The following VCL variants were observed in gnomAD, a reference collection of about 807,000 sequenced individuals.
VCL encodes vinculin, also known as epididymis luminal protein 114.
In VCL, 47 loss-of-function variants were observed where a neutral mutation model predicts 125.7. The observed-to-expected ratio is 0.37, with a 90% CI of 0.30 to 0.48. The LOEUF is 0.48. Among genes scored for constraint, VCL ranks in the 20% least tolerant of loss-of-function variants. The pLI is 0.99. For synonymous variants in VCL, 458 were observed against 514.6 expected (o/e 0.89, Z 1.49); for missense variants, 1,069 against 1,455.5 (o/e 0.73, Z 4.32).
chr10:74,027,994 G>A (rs931108796), intron 1 of VCL: 1 of 152,216 alleles, frequency 6.6e-6, no homozygotes, highest in Admixed American at 6.5e-5. Context: ...ATCATCCAGT[G>A]ATGTTTTCCT....
chr10:74,104,865 T>C (rs1004757322), intron 15 of VCL, 186 bp from the exon 16 acceptor site: 4 of 704,036 alleles, frequency 5.7e-6, no homozygotes, highest in Admixed American at 5.6e-5. Context: ...TTTTGGGCTA[T>C]GTCCTCACTG....
intron 2 of VCL, among the ~76,000 whole-genome samples, chr10:74,065,655 G>A (rs979030211): frequency 6.7e-6 from 1 of 150,268 alleles, no homozygotes; most frequent in African/African-American, 2.5e-5. Context: ...TGCACCTGCC[G>A]CCTGGGCAAC....
At chr10:74,087,069 T>C (rs1839790402) in intron 8 of VCL, among the ~76,000 whole-genome samples, 1 of 152,086 alleles carries the variant, frequency 6.6e-6, no homozygotes, top group Non-Finnish European at 1.5e-5. Context: ...TTTTGTAATA[T>C]ACAGTTGGAC....
At chr10:74,113,092 C>T (rs111670338) in intron 19 of VCL, among the ~76,000 whole-genome samples, 1 of 152,194 alleles carries the variant, frequency 6.6e-6, no homozygotes, top group Non-Finnish European at 1.5e-5. Flanking sequence ...GCAGAGCACC[C>T]TGCAGTGGTA....
chr10:74,082,451 A>T lies in VCL; in HGVS notation c.784-3A>T. 6.2e-7 allele frequency: 1 copy of T among 1,614,146 alleles called. No homozygotes were observed. ...AAATAATGGTGGGATTTCTTCCCAA[A>T]AGGACACTGAAGCCATGAAGAGAGC... On this transcript the variant is annotated splice_region_variant and splice_polypyrimidine_tract_variant and intron_variant, in intron 6 of 21. Transcript: ENST00000211998.
At chr10:74,110,939 T>C (rs1271895623) in intron 18 of VCL, among the ~76,000 whole-genome samples, 1 of 152,212 alleles carries the variant, frequency 6.6e-6, no homozygotes, top group Non-Finnish European at 1.5e-5. Flanking sequence ...CATTCTTAAA[T>C]GAGCACCATT....
chr10:74,016,755 T>G (rs1840548601), intron 1 of VCL: 1 of 152,214 alleles, frequency 6.6e-6, no homozygotes, highest in South Asian at 2.1e-4. Context: ...CACATTGTTG[T>G]GCAACCATTA....
At chr10:74,007,613 A>T (rs1170742885) in intron 1 of VCL, among the ~76,000 whole-genome samples, 1 of 152,110 alleles carries the variant, frequency 6.6e-6, no homozygotes, top group African/African-American at 2.4e-5. Flanking sequence ...CTCCTGCCTC[A>T]GCCTCCTGAG....
rs935034585 is a variant in VCL, at chr10:74,118,612, G to A, written c.*443G>A. On this transcript the variant is annotated 3_prime_UTR_variant, in exon 22 of 22. Coordinates refer to ENST00000211998, the MANE Select transcript of VCL (RefSeq NM_014000.3). ...ATCAGTTACTAAGAAGAAAATTGCTGTGCCTCCCAAAATTGTTTTGAGCTT... is the reference window on the plus strand; with the variant it reads ...ATCAGTTACTAAGAAGAAAATTGCTATGCCTCCCAAAATTGTTTTGAGCTT... 2.0e-5 allele frequency: 5 copies of A among 252,184 alleles called. No homozygotes were observed. Among genetic ancestry groups the A allele is most frequent in the South Asian group, 1.5e-4 (3 of 20,542 alleles). 15.6% of individuals were successfully genotyped at this position (252,184 alleles called of 1,614,324 possible).
chr10:74,106,573 T>A (rs1840138279), intron 16 of VCL, among the ~76,000 whole-genome samples: 1 of 152,228 alleles, frequency 6.6e-6, no homozygotes, highest in East Asian at 1.9e-4. Flanking sequence ...ATCTGATGTT[T>A]TCAGTCTTGT....
At chr10:74,064,358 A>C (rs565509993) in intron 2 of VCL, among the ~76,000 whole-genome samples, 1 of 152,096 alleles carries the variant, frequency 6.6e-6, no homozygotes, top group African/African-American at 2.4e-5. Context: ...TCCCGTTTTG[A>C]AGCTATCTAG....
Position 74,101,014 on chromosome 10 carries a change from G to A in VCL, c.1939G>A (p.Ala647Thr). 1 of 1,614,046 alleles carries A rather than the reference G, an allele frequency of 6.2e-7. No individual in the cohort carries two copies. The highest frequency in any genetic ancestry group is 1.7e-4 in the Middle Eastern group (1 of 6,058). ...SGKLGATAEK[A>T]AAVGTANKST... is the part of the protein sequence containing the mutation. ...AAAGCTTGGTGCTACGGCCGAGAAG[G>A]CGGCTGCGGTTGGTACTGCTAATAA... The change falls in exon 14 of 22, where the codon GCG becomes ACG. Residue 647 changes from alanine (A) to threonine (T), a missense_variant. Physicochemically the swap from Ala to Thr is moderately conservative, Grantham distance 58. This residue lies in a region of VCL where 760 missense variants were observed against 928.9 expected (regional missense o/e 0.82). Coordinates refer to ENST00000211998, the MANE Select transcript of VCL (RefSeq NM_014000.3).
At chr10:74,095,427 T>TA (rs1467139419) in intron 11 of VCL, among the ~76,000 whole-genome samples, 3 of 151,780 alleles carry the variant, frequency 2.0e-5, no homozygotes, top group African/African-American at 7.3e-5. Context: ...CCTGTCTCTC[T>TA]AAAAAAAACC....
At chr10:74,113,711 G>T (rs183208185) in intron 19 of VCL, among the ~76,000 whole-genome samples, 1 of 152,002 alleles carries the variant, frequency 6.6e-6, no homozygotes, top group Non-Finnish European at 1.5e-5. Flanking sequence ...ATCTGGAAAG[G>T]CTCCTCTGTA....
At chr10:74,102,231 A>G (rs903855029) in intron 14 of VCL, among the ~76,000 whole-genome samples, 1 of 149,158 alleles carries the variant, frequency 6.7e-6, no homozygotes, top group African/African-American at 2.5e-5. Context: ...CATCTTTGTG[A>G]GAGTTTTTTT....
rs1461085297 is a variant in VCL, at chr10:74,109,000, A to G, written c.2589A>G (p.Pro863=). 1.2e-6 allele frequency: 2 copies of G among 1,613,904 alleles called. No individual in the cohort carries two copies. The highest frequency in any genetic ancestry group is 3.3e-5 in the Admixed American group (2 of 59,994). ...RLTDELAPPK[P]PLPEGEVPPP... ...CAGATGAGCTTGCTCCTCCCAAACC[A>G]CCTCTGCCTGAAGGTGAGGTCCCTC... The change falls in exon 18 of 22, where the codon CCA becomes CCG. Residue 863 remains proline, a synonymous_variant. Transcript: ENST00000211998.
chr10:74,095,038 A>G (rs902603489), intron 11 of VCL, among the ~76,000 whole-genome samples: 36 of 152,384 alleles, frequency 2.4e-4, no homozygotes, highest in African/African-American at 8.7e-4. Flanking sequence ...GAAATAAATT[A>G]GTACAAACTT....
At chr10:74,106,058 T>C (rs914564611) in intron 16 of VCL, among the ~76,000 whole-genome samples, 4 of 151,482 alleles carry the variant, frequency 2.6e-5, no homozygotes, top group African/African-American at 7.3e-5. Flanking sequence ...GTAGCTGGGA[T>C]TACAGGCTCC....
chr10:74,045,145 T>C (rs1174492366), intron 2 of VCL, among the ~76,000 whole-genome samples: 1 of 152,056 alleles, frequency 6.6e-6, no homozygotes, highest in Non-Finnish European at 1.5e-5. Context: ...CACTCCAGCC[T>C]GGGTGACAGG....
Sources: allele counts gnomAD v4.1 joint callset (sites outside exome capture counted in the v4.1 genomes callset), GRCh38; gene constraint gnomAD v4.1.1; regional missense constraint gnomAD v4.1.1; transcripts MANE v1.5; gene names NCBI Gene and HGNC (gene_info 2026-07-23, HGNC 2026-07-21).